The following ZNRF1 variants were observed in gnomAD, a reference collection of about 807,000 sequenced individuals.
ZNRF1 encodes E3 ubiquitin-protein ligase ZNRF1.
Under a neutral mutation model 18.4 loss-of-function variants are expected in ZNRF1, and 3 were observed. That is an observed-to-expected ratio of 0.16 (90% CI 0.07 to 0.42). The LOEUF is 0.42. ZNRF1 is among the 10% of genes least tolerant of loss of function. ZNRF1 has a pLI of 0.99. For missense variants in ZNRF1, 310 were observed against 329.8 expected (o/e 0.94, Z 0.47); for synonymous variants, 157 against 144.2 (o/e 1.09, Z -0.64).
At chr16:75,083,517 C>A (rs111350449) in intron 1 of ZNRF1, among the ~76,000 whole-genome samples, 1 of 152,100 alleles carries the variant, frequency 6.6e-6, no homozygotes, top group Non-Finnish European at 1.5e-5. Flanking sequence ...CTAAGAGGAT[C>A]TTTATAGTTG....
intron 1 of ZNRF1, among the ~76,000 whole-genome samples, chr16:75,005,349 T>A (rs764079465): frequency 1.3e-5 from 2 of 152,232 alleles, no homozygotes; most frequent in Non-Finnish European, 1.5e-5. Context: ...TAAGAAACAG[T>A]GGCTTAGCTC....
chr16:75,054,742 C>A (rs1046817638), intron 1 of ZNRF1, among the ~76,000 whole-genome samples: 2 of 152,252 alleles, frequency 1.3e-5, no homozygotes, highest in Admixed American at 6.5e-5. Flanking sequence ...TGATACTAAT[C>A]CTCCTGGGAG....
At chr16:75,029,381 C>G (rs1297911254) in intron 1 of ZNRF1, among the ~76,000 whole-genome samples, 2 of 152,124 alleles carry the variant, frequency 1.3e-5, no homozygotes, top group Non-Finnish European at 2.9e-5. Flanking sequence ...ATCTCCTGAC[C>G]TTGTGATTCG....
At chr16:75,085,693 C>T (rs971549856) in intron 1 of ZNRF1, among the ~76,000 whole-genome samples, 1 of 151,796 alleles carries the variant, frequency 6.6e-6, no homozygotes, top group African/African-American at 2.4e-5. Flanking sequence ...ACCGACATTA[C>T]CAACATCTGG....
At chr16:75,008,533 A>G (rs2034953201) in intron 1 of ZNRF1, among the ~76,000 whole-genome samples, 1 of 152,170 alleles carries the variant, frequency 6.6e-6, no homozygotes, top group African/African-American at 2.4e-5. Flanking sequence ...GGCTTTAAAG[A>G]GGTTGGAAGA....
intron 1 of ZNRF1, among the ~76,000 whole-genome samples, chr16:75,049,431 A>G (rs1277991712): frequency 6.6e-6 from 1 of 151,724 alleles, no homozygotes; most frequent in Non-Finnish European, 1.5e-5. Context: ...AGCTCAGGCA[A>G]TTCTCCTGCC....
chr16:75,045,217 C>T (rs919970224), intron 1 of ZNRF1, among the ~76,000 whole-genome samples: 1 of 152,158 alleles, frequency 6.6e-6, no homozygotes, highest in African/African-American at 2.4e-5. Context: ...GTTCCCCATG[C>T]CAGGACCAGA....
At chr16:75,077,638 A>T (rs1203864915) in intron 1 of ZNRF1, among the ~76,000 whole-genome samples, 1 of 152,230 alleles carries the variant, frequency 6.6e-6, no homozygotes, top group Non-Finnish European at 1.5e-5. Context: ...CACAAATTTG[A>T]CAACACAAAT....
chr16:75,000,121 C>CG, intron 1 of ZNRF1, 26 bp downstream of exon 1: 1 of 1,586,420 alleles, frequency 6.3e-7, no homozygotes, highest in Non-Finnish European at 8.6e-7. Flanking sequence ...GTGGAGGCCT[C>CG]GGAGGGAGGG....
In ZNRF1 at chr16:75,013,852, C is replaced by T. The variant is rs141109586; in HGVS notation, c.424+13757C>T. Among the ~76,000 whole-genome samples the T allele has an allele frequency of 5.0e-4, 75 of 150,544 alleles. 1 individual carries two copies. In the East Asian group the frequency reaches 0.013, roughly 27 times the overall value. ...TTTAATTTTATTTTTTTTTTCGAGA[C>T]GGAGTCTCACTGTATCGCCCAGGCT... On this transcript the variant is annotated intron_variant, in intron 1 of 4. Coordinates refer to ENST00000335325, the MANE Select transcript of ZNRF1 (RefSeq NM_032268.5).
rs151018707 is a variant in ZNRF1, at chr16:75,083,848, A to G, written c.425-9724A>G. 1.1e-4 allele frequency among the ~76,000 whole-genome samples: 16 copies of G among 152,306 alleles called. No homozygotes were observed. In the East Asian group the frequency reaches 2.1e-3, roughly 20 times the overall value. The stretch of plus-strand genomic sequence containing the variant: ...GGAAGATAGAACCAAGAGATTTGAC[A>G]TACAAGCAGCAGGAGTACTAGAAAG... On this transcript the variant is annotated intron_variant, in intron 1 of 4. Transcript: ENST00000335325.
rs147406876 is a variant in ZNRF1 at position 75,100,130 on chromosome 16, G to A, written c.521-4654G>A. On this transcript the variant is annotated intron_variant, in intron 2 of 4. Coordinates refer to ENST00000335325, the MANE Select transcript of ZNRF1 (RefSeq NM_032268.5). ...GGGAACCTCCAGGTGGCCTTTTGCAGCCAGTGGCTCTTGGTCCCAGTGAAA... is the reference window on the plus strand; with the variant it reads ...GGGAACCTCCAGGTGGCCTTTTGCAACCAGTGGCTCTTGGTCCCAGTGAAA... 4.7e-3 allele frequency among the ~76,000 whole-genome samples: 718 copies of A among 152,306 alleles called. 3 individuals carry two copies. The highest frequency in any genetic ancestry group is 0.016 in the African/African-American group (673 of 41,560).
chr16:75,060,620 G>A (rs1484830580), intron 1 of ZNRF1, among the ~76,000 whole-genome samples: 1 of 151,520 alleles, frequency 6.6e-6, no homozygotes, highest in Non-Finnish European at 1.5e-5. Flanking sequence ...GGTATTACAG[G>A]CACACACCAC....
At position 75,047,826 on chromosome 16, in the gene ZNRF1, G is replaced by A. The variant is rs149080562; in HGVS notation, c.425-45746G>A. Among the ~76,000 whole-genome samples, 956 of 152,228 alleles carry A rather than the reference G, an allele frequency of 6.3e-3. 4 individuals are homozygous for A. Among genetic ancestry groups the A allele is most frequent in the Middle Eastern group, 0.014 (4 of 294 alleles). On this transcript the variant is annotated intron_variant, in intron 1 of 4. Coordinates refer to ENST00000335325, the MANE Select transcript of ZNRF1 (RefSeq NM_032268.5). The stretch of plus-strand genomic sequence containing the variant: ...TTTCTCACAGTTCTAGAGGCATGGC[G>A]GCCGAGATCAAGGTATTAGCAGGGT...
Position 74,999,503 on chromosome 16 carries a change from C to T in ZNRF1, c.-169C>T, listed in dbSNP as rs1258417380. On this transcript the variant is annotated 5_prime_UTR_variant, in exon 1 of 5. Coordinates refer to ENST00000335325, the MANE Select transcript of ZNRF1 (RefSeq NM_032268.5). ...TCCCCGCCCGCCCGCCTGCCTCTTC[C>T]GCCCCGCGGGTTTTTTCCTTTTTTC... 4.3e-6 allele frequency: 2 copies of T among 468,158 alleles called. No homozygotes were observed. The highest frequency in any genetic ancestry group is 7.0e-6 in the Non-Finnish European group (2 of 285,928). 29.0% of individuals were successfully genotyped at this position (468,158 alleles called of 1,614,324 possible). A position where few individuals can be genotyped will look rare whatever the true frequency, so the allele number is the denominator to read the frequency against.
At chr16:75,034,206 A>C (rs751429094) in intron 1 of ZNRF1, among the ~76,000 whole-genome samples, 6 of 152,180 alleles carry the variant, frequency 3.9e-5, no homozygotes, top group Non-Finnish European at 1.5e-5. Context: ...TGTACAGTTC[A>C]GTAGTGTTAA....
chr16:75,104,843 G>C lies in ZNRF1; in HGVS notation c.580G>C (p.Gly194Arg). ...GATCTGCCTGGAGGAGCTGCTGCAG[G>C]GGGACACGATAGCCAGGCTGCCCTG... The part of the protein sequence containing the change: ...CVICLEELLQ[G>R]DTIARLPCLC... The change falls in exon 3 of 5, where the codon GGG becomes CGG. Residue 194 changes from glycine to arginine, a missense_variant. Physicochemically the swap from Gly to Arg is moderately radical, Grantham distance 125 (BLOSUM62 -2). This residue lies in a region of ZNRF1 where 293 missense variants were observed against 291.2 expected (regional missense o/e 1.01). Transcript: ENST00000335325. The C allele has an allele frequency of 6.2e-7, 1 of 1,611,102 alleles. No homozygotes were observed.
intron 1 of ZNRF1, among the ~76,000 whole-genome samples, chr16:75,016,807 A>G (rs774417024): frequency 8.4e-5 from 12 of 143,598 alleles, no homozygotes; most frequent in Non-Finnish European, 1.4e-4. Flanking sequence ...GGCCTCCCAG[A>G]GTGCTGGGAT....
At chr16:75,104,420 C>T in intron 2 of ZNRF1, 1 of 183,374 alleles carries the variant, frequency 5.5e-6, no homozygotes, top group South Asian at 1.1e-4. Flanking sequence ...CAGACATCAG[C>T]ACACTGGCTA....
Sources: allele counts gnomAD v4.1 joint callset (sites outside exome capture counted in the v4.1 genomes callset), GRCh38; gene constraint gnomAD v4.1.1; regional missense constraint gnomAD v4.1.1; transcripts MANE v1.5; gene names NCBI Gene and HGNC (gene_info 2026-07-23, HGNC 2026-07-21).